The following RANBP2 variants were observed in gnomAD, a reference collection of about 807,000 sequenced individuals.
The protein encoded by RANBP2 is E3 SUMO-protein ligase RanBP2.
A neutral mutation model predicts 303.6 loss-of-function variants in RANBP2; 57 were observed. The ratio of observed to expected loss-of-function variants is 0.19; its 90% confidence interval spans 0.15 to 0.23. The LOEUF (loss-of-function observed/expected upper bound fraction) is 0.23. Ranked by LOEUF, RANBP2 falls within the 10% of genes least tolerant of loss-of-function variation. The pLI is 1.00. For synonymous variants in RANBP2, 1,167 were observed against 1,301.5 expected (o/e 0.90, Z 2.23); for missense variants, 3,138 against 3,780.8 (o/e 0.83, Z 4.46).
chr2:109,615,160 GC>G, the RANBP2 span: 13 of 1,549,130 alleles, frequency 8.4e-6, no homozygotes, highest in Non-Finnish European at 1.1e-5. Context: ...TGTCCCGGGG[GC>G]AGCAGCCCGG....
chr2:109,614,694 G>C, the RANBP2 span: 1 of 1,487,936 alleles, frequency 6.7e-7, no homozygotes. Flanking sequence ...TGTGCGCGTC[G>C]ATCCCGCCGA....
chr2:108,940,604 C>G, the RANBP2 span, among the ~76,000 whole-genome samples: 1 of 152,238 alleles, frequency 6.6e-6, no homozygotes, highest in Non-Finnish European at 1.5e-5. Flanking sequence ...ATCAAGCATC[C>G]AGTGCCGTCG....
At chr2:109,447,382 C>T in the RANBP2 span, among the ~76,000 whole-genome samples, 1 of 152,078 alleles carries the variant, frequency 6.6e-6, no homozygotes, top group Non-Finnish European at 1.5e-5. Flanking sequence ...TTCCCGTGGC[C>T]TCCAAACGCT....
the RANBP2 span, among the ~76,000 whole-genome samples, chr2:109,098,921 C>T: frequency 6.6e-6 from 1 of 152,156 alleles, no homozygotes; most frequent in South Asian, 2.1e-4. Flanking sequence ...GTAGATTGCT[C>T]TGAGTTTGTT....
At chr2:109,622,131 A>G in the RANBP2 span, among the ~76,000 whole-genome samples, 1 of 152,272 alleles carries the variant, frequency 6.6e-6, no homozygotes, top group South Asian at 2.1e-4. Context: ...TATAAAAAGC[A>G]AGCTGTTTAA....
chr2:108,747,803 A>G (rs548087593), intron 8 of RANBP2, among the ~76,000 whole-genome samples: 1 of 152,336 alleles, frequency 6.6e-6, no homozygotes, highest in South Asian at 2.1e-4. Flanking sequence ...TTCAATTGAA[A>G]TATAATTCAT....
the RANBP2 span, among the ~76,000 whole-genome samples, chr2:108,955,223 A>G: frequency 6.6e-6 from 1 of 152,164 alleles, no homozygotes; most frequent in Admixed American, 6.5e-5. Context: ...TATGATATTA[A>G]TAGAACCTAG....
chr2:109,187,361 C>CT, the RANBP2 span, among the ~76,000 whole-genome samples: 7,453 of 150,050 alleles, frequency 0.05, 499 homozygotes, highest in African/African-American at 0.16. Flanking sequence ...CAACCACAGA[C>CT]TTTTTTTTTT....
chr2:108,782,972 T>G (rs1156584878), intron 28 of RANBP2, 110 bp downstream of exon 28: 11 of 1,027,754 alleles, frequency 1.1e-5, no homozygotes, highest in Non-Finnish European at 1.6e-5. Flanking sequence ...GTTAAAGATT[T>G]CTTTAGGTTT....
At chr2:109,472,189 C>T in the RANBP2 span, among the ~76,000 whole-genome samples, 13 of 152,298 alleles carry the variant, frequency 8.5e-5, no homozygotes, top group East Asian at 2.5e-3. Context: ...AGGAGCAGTC[C>T]CCAGTTAAAA....
At chr2:109,106,959 AC>A in the RANBP2 span, among the ~76,000 whole-genome samples, 3 of 140,992 alleles carry the variant, frequency 2.1e-5, no homozygotes, top group Admixed American at 7.4e-5. Flanking sequence ...TTTTTTAAAG[AC>A]AGAGTCTCGT....
At chr2:109,241,952 G>A in the RANBP2 span, among the ~76,000 whole-genome samples, 1 of 151,864 alleles carries the variant, frequency 6.6e-6, no homozygotes, top group African/African-American at 2.4e-5. Flanking sequence ...ATGTTCCCCA[G>A]AGTGCTGCTT....
the RANBP2 span, among the ~76,000 whole-genome samples, chr2:109,521,623 T>C: frequency 6.6e-6 from 1 of 152,210 alleles, no homozygotes; most frequent in African/African-American, 2.4e-5. Context: ...CAGTGTTCTA[T>C]TTATTTCCAC....
In RANBP2 at chr2:108,764,141, TGTTTC is replaced by T; in HGVS notation, c.3609_3613del (p.Phe1204CysfsTer20). On this transcript the variant is annotated frameshift_variant, in exon 20 of 29. Coordinates refer to ENST00000283195, the MANE Select transcript of RANBP2 (RefSeq NM_006267.5). LOFTEE classifies it high-confidence loss of function. Reference sequence around the variant, plus strand: ...GAATTCTTTTGCAACCGCGCGAAATTGTTTCGTTTCGATGTAGAATCCAAAGAATG... The same window carrying T: ...GAATTCTTTTGCAACCGCGCGAAATTGTTTCGATGTAGAATCCAAAGAATG... 6.2e-7 allele frequency: 1 copy of T among 1,614,100 alleles called. No individual in the cohort carries two copies. The highest frequency in any genetic ancestry group is 8.5e-7 in the Non-Finnish European group (1 of 1,179,974).
At chr2:108,795,150 AT>A in the RANBP2 span, among the ~76,000 whole-genome samples, 43 of 85,040 alleles carry the variant, frequency 5.1e-4, no homozygotes, top group African/African-American at 9.6e-4. Flanking sequence ...TCTAAAGTGT[AT>A]TTTTTTTTTT....
the RANBP2 span, among the ~76,000 whole-genome samples, chr2:109,114,358 T>C: frequency 1.3e-5 from 2 of 152,240 alleles, no homozygotes; most frequent in African/African-American, 2.4e-5. Context: ...GGTTTAGTCT[T>C]GGGAGGGTGT....
the RANBP2 span, among the ~76,000 whole-genome samples, chr2:108,958,120 A>C: frequency 1.3e-5 from 2 of 152,140 alleles, no homozygotes. Flanking sequence ...ACACCCCTGC[A>C]CTTTCATCCT....
At chr2:109,453,709 G>T in the RANBP2 span, among the ~76,000 whole-genome samples, 1 of 152,232 alleles carries the variant, frequency 6.6e-6, no homozygotes. Context: ...TGGCCTGGAG[G>T]AGCCAGAGTA....
the RANBP2 span, among the ~76,000 whole-genome samples, chr2:109,728,452 AATTT>A: frequency 6.6e-6 from 1 of 151,992 alleles, no homozygotes; most frequent in African/African-American, 2.4e-5. Context: ...ATTTTTAAAA[AATTT>A]ATTTTTTTTT....
Sources: allele counts gnomAD v4.1 joint callset (sites outside exome capture counted in the v4.1 genomes callset), GRCh38; gene constraint gnomAD v4.1.1; transcripts MANE v1.5; gene names NCBI Gene and HGNC (gene_info 2026-07-23, HGNC 2026-07-21).